Variants in NPLOC4 observed in about 807,000 individuals in gnomAD.
NPLOC4 encodes NPL4 homolog, ubiquitin recognition factor.
In NPLOC4, 18 loss-of-function variants were observed where a neutral mutation model predicts 80.6. The observed-to-expected ratio is 0.22, with a 90% confidence interval of 0.15 to 0.33. The LOEUF (loss-of-function observed/expected upper bound fraction) is 0.33. Among genes scored for constraint, NPLOC4 ranks in the 10% least tolerant of loss-of-function variants. The probability of loss-of-function intolerance (pLI) is 1.00; values close to 1 mark genes in which losing one functional copy is unlikely to be tolerated. For synonymous variants in NPLOC4, 313 were observed against 301.5 expected (o/e 1.04, Z -0.39); for missense variants, 540 against 786.1 (o/e 0.69, Z 3.74).
chr17:81,633,765 C>T (rs1025352646), intron 1 of NPLOC4, among the ~76,000 whole-genome samples: 1 of 152,228 alleles, frequency 6.6e-6, no homozygotes, highest in Non-Finnish European at 1.5e-5. Flanking sequence ...AGTGCGATGG[C>T]GCGACCTCGG....
chr17:81,600,217 G>T, intron 9 of NPLOC4, 124 bp downstream of exon 9: 2 of 685,224 alleles, frequency 2.9e-6, no homozygotes, highest in South Asian at 1.6e-5. Flanking sequence ...GCCTGCACCT[G>T]ACCTTGTGCA....
intron 2 of NPLOC4, among the ~76,000 whole-genome samples, chr17:81,623,784 C>T (rs1489425115): frequency 7.0e-6 from 1 of 143,236 alleles, no homozygotes; most frequent in Non-Finnish European, 1.5e-5. Flanking sequence ...GACGACAGAG[C>T]GAGACTCCGT....
chr17:81,634,208 C>G (rs1244863237), intron 1 of NPLOC4, among the ~76,000 whole-genome samples: 1 of 151,696 alleles, frequency 6.6e-6, no homozygotes, highest in Non-Finnish European at 1.5e-5. Flanking sequence ...TTCACCATGT[C>G]GGCCAGGCTG....
rs548461487 is a variant in NPLOC4, at chr17:81,610,312, G to A, written c.387-54C>T. On this transcript the variant is annotated intron_variant, in intron 4 of 16. Transcript: ENST00000331134. ...AGAGCAGTGAGGATGTCTGTGTTCC[G>A]CTGCTGCTGTCTCACATGCACGTCC... 8.2e-5 allele frequency: 123 copies of A among 1,504,832 alleles called. No homozygotes were observed. In the East Asian group the frequency reaches 1.4e-3, roughly 17 times the overall value. 93.2% of individuals were successfully genotyped at this position (1,504,832 alleles called of 1,614,324 possible).
chr17:81,628,443 G>A (rs1157626559), intron 2 of NPLOC4, among the ~76,000 whole-genome samples: 1 of 151,826 alleles, frequency 6.6e-6, no homozygotes, highest in Non-Finnish European at 1.5e-5. Flanking sequence ...AACCCAGGAG[G>A]CAGAGGTTGC....
chr17:81,578,302 C>T (rs1223499857), intron 12 of NPLOC4, among the ~76,000 whole-genome samples: 2 of 152,142 alleles, frequency 1.3e-5, no homozygotes, highest in African/African-American at 4.8e-5. Context: ...CTTCCTCTCA[C>T]ACACTCTAGT....
At chr17:81,593,520 T>C (rs2034806188) in intron 11 of NPLOC4, among the ~76,000 whole-genome samples, 1 of 152,086 alleles carries the variant, frequency 6.6e-6, no homozygotes, top group Non-Finnish European at 1.5e-5. Context: ...ATTCTGTGTG[T>C]CGGCAGCCTA....
In NPLOC4 at chr17:81,558,836, A is replaced by G. The variant is rs3087664; in HGVS notation, c.*423T>C. 107,659 of 154,938 alleles carry G rather than the reference A, an allele frequency of 0.69. 39,371 individuals are homozygous for G. Among genetic ancestry groups the G allele is most frequent in the Non-Finnish European group, 0.81 (56,718 of 69,920 alleles). 9.6% of individuals were successfully genotyped at this position (154,938 alleles called of 1,614,324 possible). On this transcript the variant is annotated 3_prime_UTR_variant, in exon 17 of 17. Coordinates refer to ENST00000331134, the MANE Select transcript of NPLOC4 (RefSeq NM_017921.4). The stretch of plus-strand genomic sequence containing the variant: ...AAGCAGTCAGACAAGGGGGTAACCA[A>G]GAGCTCCCAGCCAGAAAAACATGGG...
chr17:81,558,936 C>T lies in NPLOC4; in HGVS notation c.*323G>A, dbSNP rs757331631. 51 of 240,626 alleles carry T rather than the reference C, an allele frequency of 2.1e-4. No individual in the cohort carries two copies. The highest frequency in any genetic ancestry group is 1.3e-3 in the Middle Eastern group (1 of 772). 14.9% of individuals were successfully genotyped at this position (240,626 alleles called of 1,614,324 possible). A position where few individuals can be genotyped will look rare whatever the true frequency, so the allele number is the denominator to read the frequency against. On this transcript the variant is annotated 3_prime_UTR_variant, in exon 17 of 17. Coordinates refer to ENST00000331134, the MANE Select transcript of NPLOC4 (RefSeq NM_017921.4). ...GTGGCAGCATCGGCCCCTCCCTGTG[C>T]GCCCCAATTCCAGGTGCCACGTAGA...
At chr17:81,604,423 C>T (rs1056933060) in intron 8 of NPLOC4, 125 bp downstream of exon 8, 11 of 785,052 alleles carry the variant, frequency 1.4e-5, no homozygotes, top group Admixed American at 3.1e-5. Context: ...ATGTTGTGCA[C>T]GTGCACCGGT....
intron 10 of NPLOC4, among the ~76,000 whole-genome samples, chr17:81,596,641 AACCATTACC>A (rs202194535): frequency 0.029 from 4,353 of 152,316 alleles, 80 homozygotes; most frequent in Non-Finnish European, 0.043. Context: ...TACAATTCCT[AACCATTACC>A]AATTCCTCAT....
At chr17:81,592,470 G>A (rs1348870961) in intron 11 of NPLOC4, among the ~76,000 whole-genome samples, 2 of 152,154 alleles carry the variant, frequency 1.3e-5, no homozygotes, top group African/African-American at 4.8e-5. Context: ...GGCTGTCACT[G>A]CCTATCTGCT....
At chr17:81,631,700 G>A (rs1349809805) in intron 1 of NPLOC4, among the ~76,000 whole-genome samples, 1 of 152,010 alleles carries the variant, frequency 6.6e-6, no homozygotes, top group African/African-American at 2.4e-5. Flanking sequence ...ACAGGAACAT[G>A]CGCATAAGTG....
intron 2 of NPLOC4, among the ~76,000 whole-genome samples, chr17:81,625,877 G>A (rs548014192): frequency 2.6e-5 from 4 of 152,154 alleles, no homozygotes; most frequent in South Asian, 2.1e-4. Flanking sequence ...GGTTGGGCGC[G>A]GAGGTTCAAG....
At chr17:81,570,018 T>C (rs531730683) in intron 13 of NPLOC4, among the ~76,000 whole-genome samples, 1 of 152,350 alleles carries the variant, frequency 6.6e-6, no homozygotes, top group Non-Finnish European at 1.5e-5. Context: ...TTTGGGACTA[T>C]TTCTAAAGAA....
intron 3 of NPLOC4, among the ~76,000 whole-genome samples, chr17:81,618,971 A>G (rs1444102377): frequency 2.6e-5 from 4 of 151,962 alleles, no homozygotes; most frequent in Non-Finnish European, 4.4e-5. Flanking sequence ...AGGGCGGTGC[A>G]AGATGTGCTT....
intron 11 of NPLOC4, among the ~76,000 whole-genome samples, chr17:81,595,619 A>G (rs2034889516): frequency 6.6e-6 from 1 of 150,946 alleles, no homozygotes; most frequent in African/African-American, 2.4e-5. Flanking sequence ...AACTCAGCTC[A>G]CTGCAACCTC....
At chr17:81,634,632 C>A (rs925969693) in intron 1 of NPLOC4, among the ~76,000 whole-genome samples, 5 of 150,202 alleles carry the variant, frequency 3.3e-5, no homozygotes, top group Non-Finnish European at 7.4e-5. Flanking sequence ...GTCGCCCAGG[C>A]TGGAGTGCAG....
At chr17:81,590,671 GA>G (rs112640115) in intron 11 of NPLOC4, among the ~76,000 whole-genome samples, 2 of 151,472 alleles carry the variant, frequency 1.3e-5, no homozygotes, top group African/African-American at 4.9e-5. Context: ...AGTTTTGGAT[GA>G]AAAAAAACCC....
Sources: gnomAD v4.1 joint callset for allele counts (sites outside exome capture counted in the v4.1 genomes callset) on GRCh38, gnomAD v4.1.1 for gene constraint, MANE v1.5 for transcripts, NCBI Gene and HGNC (gene_info 2026-07-23, HGNC 2026-07-21) for gene names.